The following DYNC2LI1 variants were observed in gnomAD, a reference collection of about 807,000 sequenced individuals.
The protein encoded by DYNC2LI1 is dynein cytoplasmic 2 light intermediate chain 1.
A neutral mutation model predicts 51.9 loss-of-function variants in DYNC2LI1; 45 were observed. That is an observed-to-expected ratio of 0.87 (90% CI 0.68 to 1.11). The LOEUF (loss-of-function observed/expected upper bound fraction) is 1.11, where lower values mean the gene tolerates loss of function less well. Ranked by LOEUF, DYNC2LI1 falls within the 50% of genes most tolerant of loss-of-function variation. The pLI is 0.00. For missense variants in DYNC2LI1, 490 were observed against 417.4 expected (o/e 1.17, Z -1.51); for synonymous variants, 130 against 137.8 (o/e 0.94, Z 0.40).
intron 1 of DYNC2LI1, among the ~76,000 whole-genome samples, chr2:43,775,512 G>A (rs1362056107): frequency 6.7e-6 from 1 of 149,750 alleles, no homozygotes; most frequent in Non-Finnish European, 1.5e-5. Flanking sequence ...TTTTTTTGGC[G>A]GGGGGAGACA....
At chr2:43,786,532 G>A (rs370945832) in intron 3 of DYNC2LI1, among the ~76,000 whole-genome samples, 2 of 152,076 alleles carry the variant, frequency 1.3e-5, no homozygotes, top group African/African-American at 4.8e-5. Flanking sequence ...CCTCACATCA[G>A]GGCTGAGTAT....
chr2:43,792,320 C>G (rs1312070780), intron 5 of DYNC2LI1, among the ~76,000 whole-genome samples: 1 of 152,052 alleles, frequency 6.6e-6, no homozygotes. Flanking sequence ...AGCCTGTTTA[C>G]TTGAACTAAA....
At chr2:43,780,081 G>A (rs376460770) in intron 2 of DYNC2LI1, among the ~76,000 whole-genome samples, 5 of 152,314 alleles carry the variant, frequency 3.3e-5, no homozygotes, top group South Asian at 4.1e-4. Flanking sequence ...GAGTAGGAGC[G>A]ACTGTTAGTG....
intron 8 of DYNC2LI1, among the ~76,000 whole-genome samples, chr2:43,800,519 C>T (rs1003270051): frequency 6.6e-6 from 1 of 151,952 alleles, no homozygotes; most frequent in Non-Finnish European, 1.5e-5. Flanking sequence ...CACATACAGC[C>T]CATAAACATA....
chr2:43,820,677 G>A, the DYNC2LI1 span, among the ~76,000 whole-genome samples: 25 of 152,152 alleles, frequency 1.6e-4, no homozygotes, highest in Middle Eastern at 3.4e-3. Flanking sequence ...TTTTTGAGAC[G>A]GAGTTGCACT....
rs17031494 is a variant in DYNC2LI1, at chr2:43,776,960, T to G, written c.126+61T>G. The stretch of plus-strand genomic sequence containing the variant: ...TAACAACCATTGGTAAAATATCTGT[T>G]AATACTTTGATTAAAATGTAGATAC... On this transcript the variant is annotated intron_variant, in intron 2 of 12. Transcript: ENST00000260605. 149,637 of 871,672 alleles carry G rather than the reference T, an allele frequency of 0.17. 13,819 individuals are homozygous for G. The highest frequency in any genetic ancestry group is 0.25 in the African/African-American group (14,703 of 58,156). The allele number at this position is 871,672 out of a possible 1,614,324, so 54.0% of individuals were successfully genotyped here.
intron 1 of DYNC2LI1, among the ~76,000 whole-genome samples, chr2:43,775,485 TTTC>T (rs1672969019): frequency 1.6e-5 from 2 of 124,708 alleles, no homozygotes; most frequent in South Asian, 4.9e-4. Context: ...TTTTTTTTTC[TTTC>T]TTTCTTTATG....
downstream of DYNC2LI1, chr2:43,813,423 G>C (rs17031651): frequency 9.9e-3 from 7,577 of 767,204 alleles, 149 homozygotes; most frequent in African/African-American, 0.062. Flanking sequence ...GGACACTTTA[G>C]CAAGCCCAGA....
the DYNC2LI1 span, among the ~76,000 whole-genome samples, chr2:43,815,473 A>G: frequency 3.3e-5 from 5 of 152,234 alleles, no homozygotes; most frequent in Admixed American, 3.3e-4. Context: ...TGTACCACAC[A>G]TCCATGATGT....
chr2:43,778,649 A>G lies in DYNC2LI1; in HGVS notation c.126+1750A>G, dbSNP rs553395020. Among the ~76,000 whole-genome samples the G allele has an allele frequency of 1.2e-4, 18 of 152,352 alleles. No individual in the cohort carries two copies. The South Asian group carries it at 3.7e-3, about 32-fold the overall frequency. On this transcript the variant is annotated intron_variant, in intron 2 of 12. Coordinates refer to ENST00000260605, the MANE Select transcript of DYNC2LI1 (RefSeq NM_016008.4). ...GAAAACATTCTGTACACAGAATATT[A>G]GATAGAATGGCTTATACTAATGGTA...
At chr2:43,817,809 C>G in the DYNC2LI1 span, among the ~76,000 whole-genome samples, 1 of 151,986 alleles carries the variant, frequency 6.6e-6, no homozygotes, top group South Asian at 2.1e-4. Context: ...ACTCGGGAGG[C>G]TGAGGCAGGA....
chr2:43,787,580 T>A (rs6730449), intron 4 of DYNC2LI1, among the ~76,000 whole-genome samples: 40,057 of 152,102 alleles, frequency 0.26, 5,637 homozygotes, highest in Middle Eastern at 0.46. Context: ...TGTGGAATAT[T>A]TATGAAAATA....
At chr2:43,810,045 A>AT, downstream of DYNC2LI1, 1 of 810,262 alleles carries the variant, frequency 1.2e-6, no homozygotes, top group Non-Finnish European at 1.6e-6. Context: ...TTCAGCATGT[A>AT]TAAGTTTCTG....
downstream of DYNC2LI1, chr2:43,814,445 G>A: frequency 1.4e-6 from 2 of 1,421,052 alleles, no homozygotes; most frequent in Non-Finnish European, 2.0e-6. Flanking sequence ...AGAGTAACAT[G>A]CAAAAATAAT....
At chr2:43,806,295 A>G (rs1666252965) in intron 12 of DYNC2LI1, among the ~76,000 whole-genome samples, 1 of 152,194 alleles carries the variant, frequency 6.6e-6, no homozygotes, top group African/African-American at 2.4e-5. Flanking sequence ...TAAGCACTAG[A>G]TCGAAAGCCC....
At chr2:43,784,838 G>A (rs557170031) in intron 3 of DYNC2LI1, among the ~76,000 whole-genome samples, 13 of 152,170 alleles carry the variant, frequency 8.5e-5, no homozygotes, top group African/African-American at 3.1e-4. Flanking sequence ...CTTAAAAGTG[G>A]CATTTGGCTT....
chr2:43,790,350 A>AT (rs989731299), intron 5 of DYNC2LI1, among the ~76,000 whole-genome samples: 1 of 152,046 alleles, frequency 6.6e-6, no homozygotes, highest in African/African-American at 2.4e-5. Flanking sequence ...AAGAAAAACA[A>AT]TTTTTTTTAA....
At chr2:43,788,738 G>C (rs980251914) in intron 4 of DYNC2LI1, among the ~76,000 whole-genome samples, 4 of 152,218 alleles carry the variant, frequency 2.6e-5, no homozygotes, top group Middle Eastern at 3.4e-3. Flanking sequence ...TCCCGCATTA[G>C]CCTCCCAAGT....
chr2:43,799,394 G>A lies in DYNC2LI1; in HGVS notation c.655-1447G>A, dbSNP rs535944570. On this transcript the variant is annotated intron_variant, in intron 8 of 12. Coordinates refer to ENST00000260605, the MANE Select transcript of DYNC2LI1 (RefSeq NM_016008.4). Reference sequence around the variant, plus strand: ...AGAGAAGAGCCATGAGGATGGCAGGGACTTAAAATTATTATATATGAGGAC... The same window carrying A: ...AGAGAAGAGCCATGAGGATGGCAGGAACTTAAAATTATTATATATGAGGAC... Among the ~76,000 whole-genome samples, 10 of 152,228 alleles carry A rather than the reference G, an allele frequency of 6.6e-5. No homozygotes were observed. The East Asian group carries it at 1.9e-3, about 29-fold the overall frequency.
Sources: allele counts gnomAD v4.1 joint callset (sites outside exome capture counted in the v4.1 genomes callset), GRCh38; gene constraint gnomAD v4.1.1; transcripts MANE v1.5; gene names NCBI Gene and HGNC (gene_info 2026-07-23, HGNC 2026-07-21).